The following DCDC2C variants were observed in gnomAD, a reference collection of about 807,000 sequenced individuals.
DCDC2C encodes doublecortin domain containing 2C, also known as doublecortin domain-containing protein 2C.
Under a neutral mutation model 45.0 loss-of-function variants are expected in DCDC2C, and 44 were observed. The observed-to-expected ratio is 0.98, with a 90% CI of 0.77 to 1.26. DCDC2C has a LOEUF of 1.26. Ranked by LOEUF, DCDC2C falls within the 50% of genes most tolerant of loss-of-function variation. The pLI, the probability that DCDC2C is intolerant of heterozygous loss-of-function variation, is 0.00. For synonymous variants in DCDC2C, 187 were observed against 178.8 expected, an observed-to-expected ratio of 1.05 and a Z score of -0.37; for missense variants, 447 against 468.9, an observed-to-expected ratio of 0.95 and a Z score of 0.43.
intron 1 of DCDC2C, chr2:3,704,261 A>G (rs1667973428): frequency 2.7e-6 from 1 of 374,126 alleles, no homozygotes; most frequent in East Asian, 4.0e-5. Flanking sequence ...GTCCCTTCCT[A>G]TGGGGCAGGG....
At chr2:3,713,430 G>A (rs1668271506) in intron 2 of DCDC2C, among the ~76,000 whole-genome samples, 2 of 152,240 alleles carry the variant, frequency 1.3e-5, no homozygotes, top group Non-Finnish European at 2.9e-5. Flanking sequence ...CAGAATGAGG[G>A]CCTTCCCCCC....
chr2:3,790,570 C>G (rs1670776669), intron 10 of DCDC2C, among the ~76,000 whole-genome samples: 1 of 152,152 alleles, frequency 6.6e-6, no homozygotes, highest in Admixed American at 6.5e-5. Flanking sequence ...ATTTTTGCAA[C>G]AAAATGACAA....
In DCDC2C at chr2:3,704,035, TC is replaced by T; in HGVS notation, c.285del (p.Asp96IlefsTer5). 6 of 1,264,350 alleles carry T rather than the reference TC, an allele frequency of 4.7e-6. No individual in the cohort carries two copies. The highest frequency in any genetic ancestry group is 6.0e-6 in the Non-Finnish European group (6 of 1,004,124). The allele number at this position is 1,264,350 out of a possible 1,614,324, so 78.3% of individuals were successfully genotyped here. On this transcript the variant is annotated frameshift_variant and splice_region_variant, in exon 1 of 11. Coordinates refer to ENST00000399143, the MANE Select transcript of DCDC2C (RefSeq NM_001287444.2). LOFTEE classifies it high-confidence loss of function. ...VAAGRERFKE[L>X]DYIHIVPRKP... ...GCGGGCCGCGAGCGCTTCAAGGAGC[TC>T]GAGTAAGTGCGCCCGCGCCCCCCAC...
intron 9 of DCDC2C, among the ~76,000 whole-genome samples, chr2:3,783,068 A>G (rs1670558986): frequency 6.6e-6 from 1 of 152,082 alleles, no homozygotes; most frequent in Non-Finnish European, 1.5e-5. Flanking sequence ...TGCTTTAGAG[A>G]AGGGTTATGC....
intron 6 of DCDC2C, among the ~76,000 whole-genome samples, chr2:3,763,917 A>G (rs1240048268): frequency 6.6e-6 from 1 of 152,170 alleles, no homozygotes; most frequent in Non-Finnish European, 1.5e-5. Flanking sequence ...GAATGAATTC[A>G]CCCACCAGAG....
At chr2:3,845,617 A>G (rs17462475) in intron 10 of DCDC2C, among the ~76,000 whole-genome samples, 24,289 of 152,240 alleles carry the variant, frequency 0.16, 2,139 homozygotes, top group Non-Finnish European at 0.19. Context: ...AACCATTGCC[A>G]TCTCATCCTG....
chr2:3,727,104 A>G, intron 3 of DCDC2C, 25 bp downstream of exon 3: 1 of 1,524,022 alleles, frequency 6.6e-7, no homozygotes, highest in Non-Finnish European at 8.9e-7. Flanking sequence ...ATGGGTGAAA[A>G]AATCAAACTG....
intron 3 of DCDC2C, among the ~76,000 whole-genome samples, 173 bp downstream of exon 3, chr2:3,727,252 C>A (rs1351053304): frequency 2.0e-5 from 3 of 151,974 alleles, no homozygotes; most frequent in African/African-American, 7.3e-5. Context: ...CCTAGACCAC[C>A]TTCTCTCTGA....
rs142245734 is a variant in DCDC2C at position 3,834,190 on chromosome 2, C to G, written c.1066-12964C>G. ...ACAACTGATGAACCAACACTGACCC[C>G]TCACATCATCATCACCCGAGTCCAC... On this transcript the variant is annotated intron_variant, in intron 10 of 10. Coordinates refer to ENST00000399143, the MANE Select transcript of DCDC2C (RefSeq NM_001287444.2). Among the ~76,000 whole-genome samples, 203 of 151,926 alleles carry G rather than the reference C, an allele frequency of 1.3e-3. 1 individual carries two copies. Among genetic ancestry groups the G allele is most frequent in the African/African-American group, 4.6e-3 (191 of 41,470 alleles).
At chr2:3,774,072 C>A (rs570587398) in intron 8 of DCDC2C, among the ~76,000 whole-genome samples, 3 of 152,214 alleles carry the variant, frequency 2.0e-5, no homozygotes, top group African/African-American at 7.2e-5. Context: ...AGTCACCAAC[C>A]AAAGAGAAAC....
At chr2:3,792,702 C>T (rs1331091946) in intron 10 of DCDC2C, among the ~76,000 whole-genome samples, 1 of 152,146 alleles carries the variant, frequency 6.6e-6, no homozygotes, top group East Asian at 1.9e-4. Flanking sequence ...TGGCTGCTTA[C>T]ACCACACTCT....
At position 3,778,851 on chromosome 2, in the gene DCDC2C, A is replaced by G. The variant is rs763451661; in HGVS notation, c.990A>G (p.Ile330Met). The G allele has an allele frequency of 5.2e-6, 8 of 1,551,142 alleles. No homozygotes were observed. The South Asian group carries it at 9.5e-5, about 18-fold the overall frequency. The change falls in exon 9 of 11, where the codon ATA (isoleucine) becomes ATG (methionine). Residue 330 changes from isoleucine to methionine, a missense_variant. Coordinates refer to ENST00000399143, the MANE Select transcript of DCDC2C (RefSeq NM_001287444.2). ...AGATAGTTAAAGAAGATGAAGAGAT[A>G]CATGAGAACACCCCTGATTTTGAGG... ...QAEIVKEDEE[I>M]HENTPDFEGN...
At chr2:3,726,968 A>G in intron 2 of DCDC2C, 35 bp from the exon 3 acceptor site, 12 of 1,535,912 alleles carry the variant, frequency 7.8e-6, no homozygotes, top group African/African-American at 1.4e-5. Flanking sequence ...GGCTAATTTG[A>G]ACTGAATTCC....
intron 10 of DCDC2C, among the ~76,000 whole-genome samples, chr2:3,813,285 T>A (rs900865740): frequency 6.6e-6 from 1 of 151,976 alleles, no homozygotes; most frequent in Admixed American, 6.6e-5. Context: ...TTGGCCAAGA[T>A]GGTCTCGATC....
chr2:3,829,012 A>G (rs541978217), intron 10 of DCDC2C, among the ~76,000 whole-genome samples: 1 of 152,328 alleles, frequency 6.6e-6, no homozygotes, highest in South Asian at 2.1e-4. Context: ...AAACCAAAAA[A>G]TACCAATTAT....
At chr2:3,738,463 T>C (rs576070510) in intron 3 of DCDC2C, among the ~76,000 whole-genome samples, 1 of 142,664 alleles carries the variant, frequency 7.0e-6, no homozygotes, top group African/African-American at 2.7e-5. Flanking sequence ...TGAAATTAAA[T>C]TGAGATGAAC....
chr2:3,785,350 C>T (rs1011111434), intron 10 of DCDC2C, among the ~76,000 whole-genome samples: 33 of 152,132 alleles, frequency 2.2e-4, no homozygotes, highest in Non-Finnish European at 1.9e-4. Flanking sequence ...GAGTAAAAAG[C>T]GCCCTAGGGC....
intron 10 of DCDC2C, among the ~76,000 whole-genome samples, chr2:3,792,505 TTA>T (rs1670841328): frequency 6.6e-6 from 1 of 152,222 alleles, no homozygotes; most frequent in South Asian, 2.1e-4. Context: ...TCTGTAACTT[TTA>T]AGATATATGA....
At chr2:3,813,067 A>ATT (rs869244524) in intron 10 of DCDC2C, among the ~76,000 whole-genome samples, 17 of 29,178 alleles carry the variant, frequency 5.8e-4, no homozygotes, top group Middle Eastern at 0.014. Context: ...ATATATATAT[A>ATT]TTTTTTTTTT....
Sources: allele counts gnomAD v4.1 joint callset (sites outside exome capture counted in the v4.1 genomes callset), GRCh38; gene constraint gnomAD v4.1.1; transcripts MANE v1.5; gene names NCBI Gene and HGNC (gene_info 2026-07-23, HGNC 2026-07-21).